SLC9A9: variants seen among roughly 807,000 people sequenced by gnomAD.
SLC9A9 encodes sodium/hydrogen exchanger 9.
In SLC9A9, 62 loss-of-function variants were observed where a neutral mutation model predicts 77.8. The ratio of observed to expected loss-of-function variants is 0.80; its 90% CI spans 0.65 to 0.98. The LOEUF is 0.98. Ranked by LOEUF, SLC9A9 falls within the 50% of genes least tolerant of loss-of-function variation. The pLI, the probability that SLC9A9 is intolerant of heterozygous loss-of-function variation, is 0.00. For synonymous variants in SLC9A9, 320 were observed against 283.5 expected (o/e 1.13, Z -1.29); for missense variants, 775 against 774.9 (o/e 1.00, Z 0.00).
intron 6 of SLC9A9, among the ~76,000 whole-genome samples, chr3:143,628,142 C>G (rs2038362342): frequency 2.6e-5 from 4 of 152,146 alleles, no homozygotes; most frequent in Non-Finnish European, 5.9e-5. Flanking sequence ...AACTGGGGAG[C>G]AGAAGCTGTT....
rs565413677 is a variant in SLC9A9 at position 143,441,361 on chromosome 3, A to G, written c.1469+25676T>C. ...CTATGCCAGGGAGGGTGGGAAGTGT[A>G]CTTATGAATAACGTGGGATCCTCAC... On this transcript the variant is annotated intron_variant, in intron 12 of 15. Coordinates refer to ENST00000316549, the MANE Select transcript of SLC9A9 (RefSeq NM_173653.4). 5.3e-5 allele frequency among the ~76,000 whole-genome samples: 8 copies of G among 152,332 alleles called. No individual in the cohort carries two copies. In the South Asian group the frequency reaches 1.7e-3, roughly 32 times the overall value.
intron 7 of SLC9A9, among the ~76,000 whole-genome samples, 182 bp from the exon 8 acceptor site, chr3:143,574,375 A>G (rs1485733533): frequency 1.3e-5 from 2 of 152,200 alleles, no homozygotes; most frequent in African/African-American, 4.8e-5. Context: ...CACGAGTTCC[A>G]TGCTTCACCG....
At chr3:143,421,724 A>G (rs1051191526) in intron 12 of SLC9A9, among the ~76,000 whole-genome samples, 1 of 152,228 alleles carries the variant, frequency 6.6e-6, no homozygotes, top group Non-Finnish European at 1.5e-5. Context: ...AAGTGCAACA[A>G]AAACAAAAAT....
intron 14 of SLC9A9, among the ~76,000 whole-genome samples, chr3:143,300,306 A>G (rs1356466832): frequency 6.6e-6 from 1 of 152,236 alleles, no homozygotes; most frequent in African/African-American, 2.4e-5. Context: ...CATGTAGAGC[A>G]CTTGACATGC....
intron 11 of SLC9A9, among the ~76,000 whole-genome samples, chr3:143,469,323 A>G (rs531185317): frequency 3.7e-4 from 57 of 152,324 alleles, no homozygotes; most frequent in Middle Eastern, 3.4e-3. Context: ...AACACACGAC[A>G]TGCAAGACAT....
chr3:143,615,016 A>C (rs1240809466), intron 6 of SLC9A9, among the ~76,000 whole-genome samples: 1 of 152,164 alleles, frequency 6.6e-6, no homozygotes, highest in Admixed American at 6.5e-5. Context: ...TGGGACAGGG[A>C]GACAGCATGG....
chr3:143,557,837 C>T (rs927592131), intron 8 of SLC9A9, among the ~76,000 whole-genome samples: 1 of 152,198 alleles, frequency 6.6e-6, no homozygotes, highest in African/African-American at 2.4e-5. Flanking sequence ...GGAAAATTTG[C>T]AGCCTGACAA....
intron 4 of SLC9A9, among the ~76,000 whole-genome samples, chr3:143,725,493 C>T (rs1934624947): frequency 1.3e-5 from 2 of 151,542 alleles, no homozygotes; most frequent in South Asian, 4.2e-4. Flanking sequence ...ACCCAAATGT[C>T]CAACAATGAT....
intron 14 of SLC9A9, among the ~76,000 whole-genome samples, chr3:143,320,328 AGAG>A (rs1160763482): frequency 1.3e-5 from 2 of 152,228 alleles, no homozygotes; most frequent in African/African-American, 4.8e-5. Flanking sequence ...CCTGTTTAGA[AGAG>A]GAGGAAGTCT....
chr3:143,373,206 C>T, intron 13 of SLC9A9, among the ~76,000 whole-genome samples: 1 of 152,116 alleles, frequency 6.6e-6, no homozygotes, highest in Non-Finnish European at 1.5e-5. Context: ...AACCTAAGTG[C>T]CCACTGGCCA....
chr3:143,830,861 G>T (rs915759840), intron 2 of SLC9A9, among the ~76,000 whole-genome samples: 1 of 152,040 alleles, frequency 6.6e-6, no homozygotes, highest in Non-Finnish European at 1.5e-5. Flanking sequence ...TCTAGAAGTT[G>T]CTCCTCTTTA....
intron 12 of SLC9A9, among the ~76,000 whole-genome samples, chr3:143,453,333 G>A (rs1352510087): frequency 2.0e-5 from 3 of 151,950 alleles, no homozygotes; most frequent in African/African-American, 7.2e-5. Context: ...AAATGGAAAA[G>A]CCTTTAGTTC....
chr3:143,732,295 C>T (rs1934825379), intron 4 of SLC9A9, among the ~76,000 whole-genome samples: 1 of 152,140 alleles, frequency 6.6e-6, no homozygotes, highest in African/African-American at 2.4e-5. Context: ...AGTTTAGATT[C>T]CCAAGTCCTA....
At chr3:143,832,909 A>G (rs2009473182) in intron 1 of SLC9A9, among the ~76,000 whole-genome samples, 1 of 152,100 alleles carries the variant, frequency 6.6e-6, no homozygotes, top group African/African-American at 2.4e-5. Flanking sequence ...GCTGTGTAAT[A>G]TAATACATTC....
At chr3:143,275,812 C>T (rs1261343804) in intron 14 of SLC9A9, among the ~76,000 whole-genome samples, 1 of 152,194 alleles carries the variant, frequency 6.6e-6, no homozygotes, top group Non-Finnish European at 1.5e-5. Flanking sequence ...CTATTCCACA[C>T]CCTCATTTTT....
At chr3:143,805,955 A>G (rs1251630953) in intron 2 of SLC9A9, among the ~76,000 whole-genome samples, 2 of 152,178 alleles carry the variant, frequency 1.3e-5, no homozygotes, top group Non-Finnish European at 1.5e-5. Flanking sequence ...CTTGAATCCA[A>G]TATCTATCTG....
intron 4 of SLC9A9, among the ~76,000 whole-genome samples, chr3:143,743,241 G>GGATGGATGGATA (rs1459309618): frequency 3.3e-4 from 44 of 133,680 alleles, no homozygotes; most frequent in African/African-American, 8.8e-4. Flanking sequence ...ATGGATGGAT[G>GGATGGATGGATA]GATAGATAGA....
At chr3:143,470,480 C>CAA (rs11312589) in intron 11 of SLC9A9, among the ~76,000 whole-genome samples, 1,817 of 135,762 alleles carry the variant, frequency 0.013, 33 homozygotes, top group African/African-American at 0.036. Context: ...AATTCTGGCT[C>CAA]AAAAAAAAAA....
intron 4 of SLC9A9, among the ~76,000 whole-genome samples, chr3:143,735,076 CAG>C (rs1353036335): frequency 6.6e-6 from 1 of 152,174 alleles, no homozygotes; most frequent in Non-Finnish European, 1.5e-5. Context: ...CTCTGGGACA[CAG>C]AATGCAATCC....
Sources: allele counts gnomAD v4.1 joint callset (sites outside exome capture counted in the v4.1 genomes callset), GRCh38; gene constraint gnomAD v4.1.1; transcripts MANE v1.5; gene names NCBI Gene and HGNC (gene_info 2026-07-23, HGNC 2026-07-21).